Variants in GARIN3 observed in about 807,000 individuals in gnomAD.
The protein encoded by GARIN3 is golgi associated RAB2 interactor family member 3.
chr5:157,163,226 C>T, the GARIN3 span: 34 of 1,613,784 alleles, frequency 2.1e-5, no homozygotes, highest in Admixed American at 5.3e-4. Context: ...CTTGCAGCAC[C>T]CACCAAGGCC....
the GARIN3 span, chr5:157,162,350 G>A: frequency 1.2e-4 from 183 of 1,484,084 alleles, no homozygotes; most frequent in Admixed American, 1.8e-4. Context: ...GGAGTTGTAC[G>A]ATTTCCTTTA....
chr5:157,166,088 G>T, the GARIN3 span: 13 of 1,614,154 alleles, frequency 8.1e-6, no homozygotes, highest in Middle Eastern at 1.6e-4. Context: ...GTCGTTGCAG[G>T]TCCCCCATGG....
At chr5:157,165,982 C>T in the GARIN3 span, 166 of 1,614,078 alleles carry the variant, frequency 1.0e-4, no homozygotes, top group South Asian at 5.8e-4. Flanking sequence ...CGGTTGTGTA[C>T]ATCAATCACC....
At chr5:157,165,448 C>G in the GARIN3 span, 8 of 1,476,944 alleles carry the variant, frequency 5.4e-6, no homozygotes, top group Non-Finnish European at 7.2e-6. Flanking sequence ...AGCCCTTGCA[C>G]ATGCAATACT....
the GARIN3 span, among the ~76,000 whole-genome samples, chr5:157,164,272 C>A: frequency 2.0e-5 from 3 of 151,214 alleles, no homozygotes. Flanking sequence ...GCCTTAGCCT[C>A]TTGAATAGCT....
the GARIN3 span, chr5:157,166,068 T>G: frequency 6.2e-7 from 1 of 1,614,200 alleles, no homozygotes. Flanking sequence ...CTCTCCTCTG[T>G]TGTACAATTG....
chr5:157,162,645 G>T, the GARIN3 span: 911 of 1,614,040 alleles, frequency 5.6e-4, 3 homozygotes, highest in African/African-American at 0.01. Context: ...TGGCCCTGAG[G>T]CTCCTTAAAA....
At chr5:157,163,144 G>A in the GARIN3 span, 16,916 of 1,614,104 alleles carry the variant, frequency 0.01, 102 homozygotes, top group Non-Finnish European at 0.013. Flanking sequence ...TGCAAACGCC[G>A]CACTCAAGCT....
chr5:157,162,950 G>A, the GARIN3 span: 3 of 1,614,186 alleles, frequency 1.9e-6, no homozygotes, highest in East Asian at 2.2e-5. Context: ...TTCCTACTGG[G>A]ATGTCTGTCC....
At chr5:157,164,499 C>T in the GARIN3 span, among the ~76,000 whole-genome samples, 1 of 152,192 alleles carries the variant, frequency 6.6e-6, no homozygotes, top group Non-Finnish European at 1.5e-5. Context: ...ATCTACAGCA[C>T]CCCTTCAATG....
the GARIN3 span, chr5:157,166,242 G>T: frequency 6.5e-7 from 1 of 1,542,536 alleles, no homozygotes; most frequent in South Asian, 1.3e-5. Context: ...GAAGGTAACT[G>T]CCCATCTCCC....
At chr5:157,163,459 A>G in the GARIN3 span, 8 of 1,614,050 alleles carry the variant, frequency 5.0e-6, no homozygotes, top group South Asian at 3.3e-5. Context: ...TGCCACTGCC[A>G]TGCCACCTGC....
chr5:157,166,065 C>T, the GARIN3 span: 2 of 1,614,222 alleles, frequency 1.2e-6, no homozygotes, highest in African/African-American at 1.3e-5. Context: ...GTACTCTCCT[C>T]TGTTGTACAA....
At chr5:157,162,454 G>A in the GARIN3 span, 4 of 1,613,486 alleles carry the variant, frequency 2.5e-6, no homozygotes, top group Non-Finnish European at 3.4e-6. Context: ...TCTTTAAATG[G>A]ATTTGGTTTC....
chr5:157,164,106 G>GAAGGAGAACCTCTAAAATCATTA, the GARIN3 span, among the ~76,000 whole-genome samples: 3 of 146,320 alleles, frequency 2.1e-5, no homozygotes, highest in East Asian at 6.4e-4. Context: ...AAAGGAAGGA[G>GAAGGAGAACCTCTAAAATCATTA]AAGGAGAACC....
At chr5:157,163,223 C>T in the GARIN3 span, 12 of 1,613,866 alleles carry the variant, frequency 7.4e-6, no homozygotes, top group African/African-American at 6.7e-5. Context: ...GTGCTTGCAG[C>T]ACCCACCAAG....
the GARIN3 span, among the ~76,000 whole-genome samples, chr5:157,165,387 C>T: frequency 3.9e-5 from 6 of 152,302 alleles, no homozygotes; most frequent in South Asian, 1.2e-3. Flanking sequence ...CACACAAGCC[C>T]TCCCACCTCC....
chr5:157,163,259 T>A, the GARIN3 span: 12 of 1,614,036 alleles, frequency 7.4e-6, no homozygotes, highest in Non-Finnish European at 1.0e-5. Context: ...TCTGAGGATA[T>A]GTTGGCAGCA....
At chr5:157,162,703 G>A in the GARIN3 span, 30 of 1,614,098 alleles carry the variant, frequency 1.9e-5, no homozygotes, top group Non-Finnish European at 2.5e-5. Context: ...TGTGCTAGAT[G>A]CAGATTGGTT....
Sources: allele counts gnomAD v4.1 joint callset (sites outside exome capture counted in the v4.1 genomes callset), GRCh38; gene constraint gnomAD v4.1.1; transcripts MANE v1.5; gene names NCBI Gene and HGNC (gene_info 2026-07-23, HGNC 2026-07-21).